JAK2: variants seen among roughly 807,000 people sequenced by gnomAD.
JAK2 encodes tyrosine-protein kinase JAK2.
Under a neutral mutation model 139.3 loss-of-function variants are expected in JAK2, and 86 were observed. That is an observed-to-expected ratio of 0.62 (90% confidence interval 0.52 to 0.74). The LOEUF (loss-of-function observed/expected upper bound fraction) is 0.74. Among genes scored for constraint, JAK2 ranks in the 30% least tolerant of loss-of-function variants. JAK2 has a pLI of 0.00. For missense variants in JAK2, 1,421 were observed against 1,360.3 expected, an observed-to-expected ratio of 1.04 and a Z score of -0.70; for synonymous variants, 490 against 437.7, an observed-to-expected ratio of 1.12 and a Z score of -1.49.
chr9:5,028,599 A>G (rs746452458), intron 3 of JAK2, among the ~76,000 whole-genome samples: 7 of 152,194 alleles, frequency 4.6e-5, no homozygotes, highest in Non-Finnish European at 7.4e-5. Context: ...TCTTCTTCCA[A>G]TAGAAGGCTG....
At chr9:5,004,195 G>T (rs1821115735) in intron 2 of JAK2, among the ~76,000 whole-genome samples, 1 of 152,026 alleles carries the variant, frequency 6.6e-6, no homozygotes, top group African/African-American at 2.4e-5. Context: ...ATTGTTATTG[G>T]TAATCACCAT....
chr9:5,125,973 A>AT (rs905643737), intron 23 of JAK2: 6 of 157,452 alleles, frequency 3.8e-5, no homozygotes, highest in African/African-American at 1.2e-4. Flanking sequence ...TTATTCATTC[A>AT]TTTTTTCTTA....
intron 2 of JAK2, among the ~76,000 whole-genome samples, chr9:5,005,202 G>T (rs1310127162): frequency 7.0e-6 from 1 of 142,282 alleles, no homozygotes; most frequent in Admixed American, 7.4e-5. Flanking sequence ...CTCCCACCTT[G>T]GCCTCCCAAA....
chr9:5,112,879 G>A (rs560782258), intron 22 of JAK2: 5 of 416,258 alleles, frequency 1.2e-5, no homozygotes, highest in Non-Finnish European at 2.0e-5. Context: ...CGAGCCACCC[G>A]CCCTCAGCCC....
In JAK2 at chr9:5,022,085, A is replaced by C. The variant is rs538474116; in HGVS notation, c.98A>C (p.Lys33Thr). ...GDISGNANSM[K>T]QIDPVLQVYL... ...ATTTCTGGAAATGCCAATTCTATGA[A>C]GCAAATAGATCCAGTTCTTCAGGTG... The change falls in exon 3 of 25, where the codon AAG becomes ACG. Residue 33 changes from lysine (K) to threonine (T), a missense_variant. Lys to Thr is a moderately conservative substitution (Grantham distance 78). Transcript: ENST00000381652. 52 of 1,613,706 alleles carry C rather than the reference A, an allele frequency of 3.2e-5. No individual in the cohort carries two copies. The highest frequency in any genetic ancestry group is 4.2e-5 in the Non-Finnish European group (49 of 1,179,678).
At chr9:5,070,978 T>C (rs1329342300) in intron 12 of JAK2, among the ~76,000 whole-genome samples, 2 of 152,086 alleles carry the variant, frequency 1.3e-5, no homozygotes, top group Non-Finnish European at 2.9e-5. Flanking sequence ...AAACAATATA[T>C]AGAATGTGAA....
intron 5 of JAK2, among the ~76,000 whole-genome samples, chr9:5,048,261 C>A (rs978964424): frequency 1.3e-5 from 2 of 152,086 alleles, no homozygotes; most frequent in African/African-American, 4.8e-5. Context: ...CCTGACTCAG[C>A]CTCCCTAGTA....
chr9:5,127,017 G>C lies in JAK2; in HGVS notation c.*226G>C. 3.2e-6 allele frequency: 1 copy of C among 308,748 alleles called. No homozygotes were observed. The highest frequency in any genetic ancestry group is 6.0e-6 in the Non-Finnish European group (1 of 167,292). The allele number at this position is 308,748 out of a possible 1,614,324, so 19.1% of individuals were successfully genotyped here. The stretch of plus-strand genomic sequence containing the variant: ...GAATTCCTTAGCAAGGATTTTGTAA[G>C]AAGTTTCTTAAACATTGTCAGTTAA... On this transcript the variant is annotated 3_prime_UTR_variant, in exon 25 of 25. Transcript: ENST00000381652.
At chr9:5,080,892 CTTTTTTT>C (rs33925764) in intron 18 of JAK2, among the ~76,000 whole-genome samples, 29 of 95,588 alleles carry the variant, frequency 3.0e-4, no homozygotes, top group Middle Eastern at 0.012. Flanking sequence ...AAGACCTTTT[CTTTTTTT>C]TTTTTTTTTT....
At chr9:5,026,543 A>G (rs1486337462) in intron 3 of JAK2, among the ~76,000 whole-genome samples, 2 of 152,206 alleles carry the variant, frequency 1.3e-5, no homozygotes, top group Admixed American at 6.5e-5. Context: ...AGAATAAAAT[A>G]CTTTTGTGTT....
intron 2 of JAK2, among the ~76,000 whole-genome samples, chr9:5,018,372 G>C (rs1197245212): frequency 6.6e-6 from 1 of 152,034 alleles, no homozygotes; most frequent in African/African-American, 2.4e-5. Context: ...CTCTTGTTCT[G>C]TCCTCCAGGC....
chr9:5,106,456 T>C (rs1821961302), intron 22 of JAK2, among the ~76,000 whole-genome samples: 1 of 152,220 alleles, frequency 6.6e-6, no homozygotes, highest in African/African-American at 2.4e-5. Context: ...GTGGGAGTAG[T>C]GTAAACTAGT....
chr9:5,117,998 T>G (rs984821241), intron 22 of JAK2, among the ~76,000 whole-genome samples: 2 of 152,232 alleles, frequency 1.3e-5, no homozygotes, highest in African/African-American at 4.8e-5. Flanking sequence ...TTTTTCTTTG[T>G]AAGTAGTTAT....
At chr9:5,020,529 A>G (rs7030315) in intron 2 of JAK2, among the ~76,000 whole-genome samples, 146,408 of 152,218 alleles carry the variant, frequency 0.96, 70,456 homozygotes, top group East Asian at 1. Context: ...GGGAGGGTGC[A>G]GTTGCTGTCA....
chr9:5,034,748 G>C (rs562062419), intron 4 of JAK2, among the ~76,000 whole-genome samples: 30 of 152,038 alleles, frequency 2.0e-4, no homozygotes, highest in Non-Finnish European at 3.2e-4. Context: ...AGTGTGTAGA[G>C]GGAAATTTAT....
intron 3 of JAK2, among the ~76,000 whole-genome samples, chr9:5,028,096 G>C (rs989685481): frequency 3.9e-5 from 6 of 152,180 alleles, no homozygotes; most frequent in Non-Finnish European, 5.9e-5. Flanking sequence ...AGATCTGTGA[G>C]AGGAAACACT....
intron 22 of JAK2, among the ~76,000 whole-genome samples, chr9:5,092,730 G>A (rs1820682103): frequency 6.6e-6 from 1 of 152,194 alleles, no homozygotes; most frequent in Non-Finnish European, 1.5e-5. Context: ...GGCTGAAAGA[G>A]CGTACTCACC....
chr9:5,106,289 A>G (rs2130773953), intron 22 of JAK2, among the ~76,000 whole-genome samples: 1 of 152,380 alleles, frequency 6.6e-6, no homozygotes, highest in South Asian at 2.1e-4. Flanking sequence ...CAACAGACAT[A>G]TAAAAAATGC....
chr9:5,010,192 G>A (rs10815144), intron 2 of JAK2, among the ~76,000 whole-genome samples: 93,749 of 152,082 alleles, frequency 0.62, 31,061 homozygotes, highest in African/African-American at 0.88. Flanking sequence ...CTTATTTGTC[G>A]GAGCCGCCAT....
Sources: allele counts gnomAD v4.1 joint callset (sites outside exome capture counted in the v4.1 genomes callset), GRCh38; gene constraint gnomAD v4.1.1; transcripts MANE v1.5; gene names NCBI Gene and HGNC (gene_info 2026-07-23, HGNC 2026-07-21).